CAMKMT: variants seen among roughly 807,000 people sequenced by gnomAD.
CAMKMT encodes CaM KMT.
CAMKMT carries 53 observed loss-of-function variants against 48.0 expected under a neutral mutation model. The ratio of observed to expected loss-of-function variants is 1.10; its 90% CI spans 0.89 to 1.39. The LOEUF (loss-of-function observed/expected upper bound fraction) is 1.39, where lower values mean the gene tolerates loss of function less well. CAMKMT is among the 40% of genes most tolerant of loss of function. The probability of loss-of-function intolerance (pLI) is 0.00; values close to 1 mark genes in which losing one functional copy is unlikely to be tolerated. For missense variants in CAMKMT, 428 were observed against 402.7 expected, an observed-to-expected ratio of 1.06 and a Z score of -0.54; for synonymous variants, 165 against 152.3, an observed-to-expected ratio of 1.08 and a Z score of -0.61.
chr2:44,498,218 T>G (rs936006042), intron 3 of CAMKMT, among the ~76,000 whole-genome samples: 4 of 152,202 alleles, frequency 2.6e-5, no homozygotes, highest in Admixed American at 2.6e-4. Context: ...ATAGCTTTAA[T>G]ACAGTGACAT....
At position 44,450,950 on chromosome 2, in the gene CAMKMT, C is replaced by A. The variant is rs1015664642; in HGVS notation, c.376+60645C>A. Among the ~76,000 whole-genome samples the A allele has an allele frequency of 3.3e-5, 5 of 152,132 alleles. No homozygotes were observed. In the South Asian group the frequency reaches 1.0e-3, roughly 32 times the overall value. Reference sequence around the variant, plus strand: ...TTTTCCAACTCTCTGTGCTCTCTGACTTGTTGAAGTTTTGCAGGAAGTGCC... The same window carrying A: ...TTTTCCAACTCTCTGTGCTCTCTGAATTGTTGAAGTTTTGCAGGAAGTGCC... On this transcript the variant is annotated intron_variant, in intron 3 of 10. Transcript: ENST00000378494.
intron 3 of CAMKMT, among the ~76,000 whole-genome samples, chr2:44,420,055 C>A (rs539075071): frequency 3.3e-5 from 5 of 152,078 alleles, no homozygotes; most frequent in African/African-American, 1.2e-4. Context: ...GGTGAATACT[C>A]AGGAGAGGAA....
chr2:44,476,981 A>G (rs183102738), intron 3 of CAMKMT, among the ~76,000 whole-genome samples: 27 of 152,322 alleles, frequency 1.8e-4, no homozygotes, highest in African/African-American at 6.3e-4. Context: ...GCTTTTATAC[A>G]GTCATATCAA....
intron 3 of CAMKMT, among the ~76,000 whole-genome samples, chr2:44,671,488 CTGTT>C (rs1450499058): frequency 2.6e-5 from 4 of 152,224 alleles, no homozygotes; most frequent in Admixed American, 6.5e-5. Context: ...GGGCAGATGA[CTGTT>C]TGTTGTCTGG....
At chr2:44,532,817 G>GTTT in intron 3 of CAMKMT, among the ~76,000 whole-genome samples, 1 of 146,080 alleles carries the variant, frequency 6.8e-6, no homozygotes, top group African/African-American at 2.5e-5. Flanking sequence ...TGCCATTAAA[G>GTTT]TTTTTTTTTT....
Position 44,681,562 on chromosome 2 carries a change from G to A in CAMKMT, c.377-22721G>A, listed in dbSNP as rs916508018. Among the ~76,000 whole-genome samples the A allele has an allele frequency of 2.3e-4, 35 of 151,596 alleles. 1 individual carries two copies. The highest frequency in any genetic ancestry group is 7.5e-4 in the African/African-American group (31 of 41,358). Reference sequence around the variant, plus strand: ...CAGCTTTTTTTTTTTTTTTGGAGGGGGAGGGGAATGGGGAAGAAGAAGCAA... The same window carrying A: ...CAGCTTTTTTTTTTTTTTTGGAGGGAGAGGGGAATGGGGAAGAAGAAGCAA... On this transcript the variant is annotated intron_variant, in intron 3 of 10. Transcript: ENST00000378494.
intron 7 of CAMKMT, among the ~76,000 whole-genome samples, chr2:44,722,176 C>T (rs201402220): frequency 6.0e-4 from 69 of 115,434 alleles, no homozygotes; most frequent in Middle Eastern, 4.3e-3. Flanking sequence ...TTTCTTTTTT[C>T]TTTTTTTTTT....
At chr2:44,425,461 G>A (rs975478323) in intron 3 of CAMKMT, among the ~76,000 whole-genome samples, 5 of 152,120 alleles carry the variant, frequency 3.3e-5, no homozygotes, top group African/African-American at 1.2e-4. Context: ...ATAGTTAATA[G>A]AGCAATAGAA....
chr2:44,516,548 C>A (rs866135185), intron 3 of CAMKMT, among the ~76,000 whole-genome samples: 3 of 151,904 alleles, frequency 2.0e-5, no homozygotes, highest in African/African-American at 7.3e-5. Flanking sequence ...CAAAATAATT[C>A]TATTTGGGAT....
chr2:44,366,620 A>T (rs1678619994), intron 1 of CAMKMT, among the ~76,000 whole-genome samples: 1 of 152,216 alleles, frequency 6.6e-6, no homozygotes, highest in South Asian at 2.1e-4. Flanking sequence ...GTGATAACAC[A>T]TACTTTGGAA....
intron 3 of CAMKMT, among the ~76,000 whole-genome samples, chr2:44,594,815 A>T (rs192948566): frequency 4.6e-5 from 7 of 152,368 alleles, no homozygotes; most frequent in African/African-American, 1.7e-4. Flanking sequence ...GACAAGTGGG[A>T]TCTAATTAAA....
intron 3 of CAMKMT, among the ~76,000 whole-genome samples, chr2:44,528,794 T>C (rs1444291216): frequency 6.6e-6 from 1 of 152,202 alleles, no homozygotes; most frequent in Non-Finnish European, 1.5e-5. Flanking sequence ...TGCATCTCTG[T>C]GGTATTTAAT....
chr2:44,454,196 T>C (rs1667441927), intron 3 of CAMKMT, among the ~76,000 whole-genome samples: 1 of 152,106 alleles, frequency 6.6e-6, no homozygotes, highest in African/African-American at 2.4e-5. Context: ...GTTATTTCAT[T>C]CTCTTCTGTT....
intron 3 of CAMKMT, among the ~76,000 whole-genome samples, chr2:44,405,438 C>T (rs1346606446): frequency 6.6e-6 from 1 of 151,946 alleles, no homozygotes; most frequent in African/African-American, 2.4e-5. Flanking sequence ...TTGAGTAATG[C>T]ATAAAATGTA....
At chr2:44,519,627 A>G (rs1183360635) in intron 3 of CAMKMT, among the ~76,000 whole-genome samples, 1 of 152,228 alleles carries the variant, frequency 6.6e-6, no homozygotes, top group Non-Finnish European at 1.5e-5. Flanking sequence ...GAAAGAGTTG[A>G]ATTAGCATGG....
At chr2:44,541,987 G>A (rs192584609) in intron 3 of CAMKMT, among the ~76,000 whole-genome samples, 5 of 152,040 alleles carry the variant, frequency 3.3e-5, no homozygotes, top group African/African-American at 1.2e-4. Context: ...ATTAAACCGG[G>A]CATGGTGGCA....
At chr2:44,456,735 A>G in intron 3 of CAMKMT, 1 of 814,848 alleles carries the variant, frequency 1.2e-6, no homozygotes, top group South Asian at 2.4e-5. Context: ...CATAGCAGAA[A>G]TCCTCATGCT....
chr2:44,558,460 T>C (rs1668141174), intron 3 of CAMKMT, among the ~76,000 whole-genome samples: 1 of 152,204 alleles, frequency 6.6e-6, no homozygotes, highest in Non-Finnish European at 1.5e-5. Flanking sequence ...TTTTATCATC[T>C]GTTGTATCCT....
chr2:44,437,488 T>G (rs1666335520), intron 3 of CAMKMT, among the ~76,000 whole-genome samples: 1 of 141,154 alleles, frequency 7.1e-6, no homozygotes, highest in South Asian at 2.1e-4. Flanking sequence ...AATTCCTTTA[T>G]GTCCATGTTT....
Sources: allele counts gnomAD v4.1 joint callset (sites outside exome capture counted in the v4.1 genomes callset), GRCh38; gene constraint gnomAD v4.1.1; transcripts MANE v1.5; gene names NCBI Gene and HGNC (gene_info 2026-07-23, HGNC 2026-07-21).